PPP2R5C: variants seen among roughly 807,000 people sequenced by gnomAD.
PPP2R5C encodes the protein serine/threonine-protein phosphatase 2A 56 kDa regulatory subunit gamma isoform.
PPP2R5C carries 7 observed loss-of-function variants against 68.9 expected under a neutral mutation model. The observed-to-expected ratio is 0.10, with a 90% CI of 0.06 to 0.19. The LOEUF (loss-of-function observed/expected upper bound fraction) is 0.19, where lower values mean the gene tolerates loss of function less well. PPP2R5C is among the 10% of genes least tolerant of loss of function. The pLI, the probability that PPP2R5C is intolerant of heterozygous loss-of-function variation, is 1.00. For synonymous variants in PPP2R5C, 210 were observed against 222.2 expected, an observed-to-expected ratio of 0.95 and a Z score of 0.49; for missense variants, 348 against 641.3, an observed-to-expected ratio of 0.54 and a Z score of 4.94.
At chr14:101,792,803 A>G (rs1259689729) in intron 3 of PPP2R5C, among the ~76,000 whole-genome samples, 2 of 149,310 alleles carry the variant, frequency 1.3e-5, no homozygotes, top group African/African-American at 4.9e-5. Flanking sequence ...TGATTCCTTG[A>G]TTTCTGACAC....
chr14:101,874,548 G>C (rs887216219), intron 2 of PPP2R5C, among the ~76,000 whole-genome samples: 1 of 152,074 alleles, frequency 6.6e-6, no homozygotes, highest in Non-Finnish European at 1.5e-5. Context: ...TAAGTATTAT[G>C]AATTATTTCT....
intron 1 of PPP2R5C, among the ~76,000 whole-genome samples, chr14:101,840,372 G>T (rs1308897141): frequency 6.7e-6 from 1 of 149,892 alleles, no homozygotes; most frequent in African/African-American, 2.5e-5. Context: ...AGCTGGTCAC[G>T]GCTAGTTAAT....
intron 10 of PPP2R5C, among the ~76,000 whole-genome samples, chr14:101,909,065 A>G (rs1166636676): frequency 6.6e-6 from 1 of 152,152 alleles, no homozygotes; most frequent in Non-Finnish European, 1.5e-5. Flanking sequence ...CCAGAGGCTC[A>G]GCTGGAACAA....
intron 2 of PPP2R5C, among the ~76,000 whole-genome samples, chr14:101,862,559 C>T (rs543563037): frequency 1.3e-5 from 2 of 152,288 alleles, no homozygotes; most frequent in South Asian, 2.1e-4. Context: ...TTGATGTAGA[C>T]AATGACCTAA....
At position 101,901,664 on chromosome 14, in the gene PPP2R5C, G is replaced by T. The variant is rs571185736; in HGVS notation, c.853-55G>T. ...AGTGAAAACACAGACTTCTTACCAT[G>T]CAGGTGTTGGGGCCTCGTGGGCATC... On this transcript the variant is annotated intron_variant, in intron 8 of 13. Coordinates refer to ENST00000334743, the Ensembl canonical transcript of PPP2R5C. 1.3e-5 allele frequency: 20 copies of T among 1,563,882 alleles called. No individual in the cohort carries two copies. In the African/African-American group the frequency reaches 2.4e-4, roughly 19 times the overall value.
intron 2 of PPP2R5C, among the ~76,000 whole-genome samples, chr14:101,859,093 G>A (rs1343627210): frequency 6.6e-6 from 1 of 152,192 alleles, no homozygotes; most frequent in Non-Finnish European, 1.5e-5. Context: ...GGCTCCCTAA[G>A]CAGTAAGCAG....
intron 2 of PPP2R5C, among the ~76,000 whole-genome samples, chr14:101,861,089 C>T (rs1272646865): frequency 2.6e-5 from 4 of 152,168 alleles, no homozygotes; most frequent in Non-Finnish European, 4.4e-5. Flanking sequence ...TTCTGATAGT[C>T]ACAATACCAG....
Position 101,906,171 on chromosome 14 carries a change from G to T in PPP2R5C, c.1024-231G>T, listed in dbSNP as rs1220171230. Among the ~76,000 whole-genome samples, 2 of 152,238 alleles carry T rather than the reference G, an allele frequency of 1.3e-5. No homozygotes were observed. Among genetic ancestry groups the T allele is most frequent in the Non-Finnish European group, 2.9e-5 (2 of 68,040 alleles). On this transcript the variant is annotated intron_variant, in intron 9 of 13. Transcript: ENST00000334743. This position sits in a 1 kb window ranked among gnomAD's most constrained non-coding sequence, Gnocchi z 4.0. ...CATAAATGTTTACGGAATAAGTAGA[G>T]AAATAGGTGACAATGTTCTTGATGA...
At position 101,854,359 on chromosome 14, in the gene PPP2R5C, C is replaced by T. The variant is rs535517451; in HGVS notation, c.95-2327C>T. Among the ~76,000 whole-genome samples, 10 of 152,272 alleles carry T rather than the reference C, an allele frequency of 6.6e-5. No individual in the cohort carries two copies. The South Asian group carries it at 2.1e-3, about 32-fold the overall frequency. On this transcript the variant is annotated intron_variant, in intron 1 of 13. Coordinates refer to ENST00000334743, the Ensembl canonical transcript of PPP2R5C. ...TTATTTGCAAGGCTCAATGTTGGGC[C>T]TTTGGGCATATAGAGAACTAGAAGA...
At chr14:101,897,980 C>A (rs920196028) in intron 8 of PPP2R5C, among the ~76,000 whole-genome samples, 1 of 149,352 alleles carries the variant, frequency 6.7e-6, no homozygotes, top group Non-Finnish European at 1.5e-5. Flanking sequence ...CATAGTGAGA[C>A]CTCCTCTCTA....
exon 14 of PPP2R5C, chr14:101,927,131 A>C (rs552257584): frequency 6.6e-6 from 1 of 152,126 alleles, no homozygotes; most frequent in African/African-American, 2.4e-5. Context: ...TAGATTCTCA[A>C]ATATCCTTGA....
rs1295986797 is a variant in PPP2R5C, at chr14:101,913,360, T to C, written c.1326+887T>C. Among the ~76,000 whole-genome samples the C allele has an allele frequency of 6.6e-6, 1 of 152,230 alleles. No individual in the cohort carries two copies. The highest frequency in any genetic ancestry group is 2.4e-5 in the African/African-American group (1 of 41,456). ...GTTGGTTTTTAGATTTCTCTGACAC[T>C]TAATAAAAAGTTATACATGAATATA... On this transcript the variant is annotated intron_variant, in intron 12 of 13. Transcript: ENST00000334743. This position sits in a 1 kb window ranked among gnomAD's most constrained non-coding sequence, Gnocchi z 4.1.
chr14:101,814,475 T>G (rs2039544415), intron 1 of PPP2R5C, among the ~76,000 whole-genome samples: 1 of 152,216 alleles, frequency 6.6e-6, no homozygotes, highest in African/African-American at 2.4e-5. Flanking sequence ...TTTTGTTCCT[T>G]AAACACACAC....
chr14:101,767,637 A>T (rs2139947199), intron 2 of PPP2R5C, among the ~76,000 whole-genome samples: 1 of 152,340 alleles, frequency 6.6e-6, no homozygotes, highest in Admixed American at 6.5e-5. Context: ...GTAATACTTT[A>T]AAAATCTTTT....
At chr14:101,904,357 C>G (rs2045900499) in intron 9 of PPP2R5C, among the ~76,000 whole-genome samples, 1 of 151,956 alleles carries the variant, frequency 6.6e-6, no homozygotes, top group African/African-American at 2.4e-5. Context: ...ACCATGTTGG[C>G]CAGGCTGGCC....
intron 1 of PPP2R5C, among the ~76,000 whole-genome samples, chr14:101,854,941 A>G (rs2042337085): frequency 6.6e-6 from 1 of 152,188 alleles, no homozygotes; most frequent in Non-Finnish European, 1.5e-5. Flanking sequence ...AGGCCAAGGC[A>G]AGTGGATCAC....
chr14:101,802,447 C>A (rs1268973677), intron 3 of PPP2R5C, among the ~76,000 whole-genome samples: 2 of 151,994 alleles, frequency 1.3e-5, no homozygotes, highest in Admixed American at 1.3e-4. Flanking sequence ...AAGTGGGACC[C>A]TTACCTTCAT....
intron 3 of PPP2R5C, among the ~76,000 whole-genome samples, chr14:101,791,717 A>G (rs2038372344): frequency 6.6e-6 from 1 of 152,130 alleles, no homozygotes; most frequent in East Asian, 1.9e-4. Context: ...GCCATTTTAA[A>G]ATATTTTCCT....
intron 2 of PPP2R5C, among the ~76,000 whole-genome samples, chr14:101,863,096 T>G (rs2042853027): frequency 6.6e-6 from 1 of 152,002 alleles, no homozygotes; most frequent in Non-Finnish European, 1.5e-5. Flanking sequence ...TCACCTGAGG[T>G]CAGGAGTTCA....
Sources: allele counts gnomAD v4.1 joint callset (sites outside exome capture counted in the v4.1 genomes callset), GRCh38; gene constraint gnomAD v4.1.1; non-coding constraint Gnocchi (gnomAD v3.1); transcripts MANE v1.5; gene names NCBI Gene and HGNC (gene_info 2026-07-23, HGNC 2026-07-21).